ZNF326: variants seen among roughly 807,000 people sequenced by gnomAD.
ZNF326 encodes the protein zinc finger protein 326.
ZNF326 carries 30 observed loss-of-function variants against 63.1 expected under a neutral mutation model. The ratio of observed to expected loss-of-function variants is 0.48; its 90% CI spans 0.36 to 0.64. The LOEUF (loss-of-function observed/expected upper bound fraction) is 0.64, where lower values mean the gene tolerates loss of function less well. Ranked by LOEUF, ZNF326 falls within the 30% of genes least tolerant of loss-of-function variation. ZNF326 has a pLI of 0.00. For synonymous variants in ZNF326, 194 were observed against 228.2 expected, an observed-to-expected ratio of 0.85 and a Z score of 1.35; for missense variants, 609 against 720.3, an observed-to-expected ratio of 0.85 and a Z score of 1.77.
Position 90,031,100 on chromosome 1 carries a change from C to T in ZNF326, c.*3399C>T, listed in dbSNP as rs1305422361. The stretch of plus-strand genomic sequence containing the variant: ...CTTCCCCTATCAAGGCAGGAGTTTC[C>T]GCCCTTTTGAATATAAACATAGGTT... On this transcript the variant is annotated 3_prime_UTR_variant, in exon 12 of 12. Transcript: ENST00000340281. 1 of 152,156 alleles carries T rather than the reference C, an allele frequency of 6.6e-6. No homozygotes were observed. The highest frequency in any genetic ancestry group is 2.1e-4 in the South Asian group (1 of 4,832). 9.4% of individuals were successfully genotyped at this position (152,156 alleles called of 1,614,324 possible). A position where few individuals can be genotyped will look rare whatever the true frequency, so the allele number is the denominator to read the frequency against.
intron 11 of ZNF326, among the ~76,000 whole-genome samples, chr1:90,027,013 A>G (rs1650041598): frequency 6.6e-6 from 1 of 152,062 alleles, no homozygotes; most frequent in Non-Finnish European, 1.5e-5. Flanking sequence ...AAATCTTTGC[A>G]TCATCCCTTT....
At chr1:90,000,497 G>A (rs955804901) in intron 2 of ZNF326, among the ~76,000 whole-genome samples, 8 of 152,140 alleles carry the variant, frequency 5.3e-5, no homozygotes, top group Non-Finnish European at 8.8e-5. Flanking sequence ...CCAGGTGATT[G>A]AAACTAGCTT....
chr1:90,023,631 A>G (rs1003037484), intron 11 of ZNF326, among the ~76,000 whole-genome samples: 6 of 152,376 alleles, frequency 3.9e-5, no homozygotes, highest in Admixed American at 3.3e-4. Flanking sequence ...GAAGCATCAT[A>G]GCTAAAGAAG....
At position 90,030,062 on chromosome 1, in the gene ZNF326, T is replaced by A. The variant is rs1650199616; in HGVS notation, c.*2361T>A. ...ACATAGTTCTAAATAACCAAAGAAATTTATTTATAACCTACACAGTTGTTT... is the reference window on the plus strand; with the variant it reads ...ACATAGTTCTAAATAACCAAAGAAAATTATTTATAACCTACACAGTTGTTT... On this transcript the variant is annotated 3_prime_UTR_variant, in exon 12 of 12. Transcript: ENST00000340281. 6.6e-6 allele frequency: 1 copy of A among 152,188 alleles called. No homozygotes were observed. The highest frequency in any genetic ancestry group is 1.5e-5 in the Non-Finnish European group (1 of 68,018). 9.4% of individuals were successfully genotyped at this position (152,188 alleles called of 1,614,324 possible). A position where few individuals can be genotyped will look rare whatever the true frequency, so the allele number is the denominator to read the frequency against.
At chr1:89,995,305 T>C (rs1406275952) in intron 1 of ZNF326, 32 bp downstream of exon 1, 3 of 1,540,916 alleles carry the variant, frequency 1.9e-6, no homozygotes, top group Non-Finnish European at 2.6e-6. Flanking sequence ...TCGGCGCAGC[T>C]GGCAGGAGGC....
Position 90,027,945 on chromosome 1 carries a change from C to T in ZNF326, c.*244C>T. 1 of 477,828 alleles carries T rather than the reference C, an allele frequency of 2.1e-6. No homozygotes were observed. The highest frequency in any genetic ancestry group is 3.7e-6 in the Non-Finnish European group (1 of 272,988). 29.6% of individuals were successfully genotyped at this position (477,828 alleles called of 1,614,324 possible). A position where few individuals can be genotyped will look rare whatever the true frequency, so the allele number is the denominator to read the frequency against. On this transcript the variant is annotated 3_prime_UTR_variant, in exon 12 of 12. Coordinates refer to ENST00000340281, the MANE Select transcript of ZNF326 (RefSeq NM_182976.4). ...ATAAATTGTTTGTATAATTTTTAAG[C>T]TTAATTTTTATTACTTTATTGGTGT...
intron 9 of ZNF326, among the ~76,000 whole-genome samples, chr1:90,018,992 T>A (rs1649631345): frequency 6.6e-6 from 1 of 152,142 alleles, no homozygotes; most frequent in Non-Finnish European, 1.5e-5. Flanking sequence ...TTCACTTCAG[T>A]TTGAGAGGAA....
At chr1:90,026,105 A>C (rs559351196) in intron 11 of ZNF326, among the ~76,000 whole-genome samples, 2 of 152,004 alleles carry the variant, frequency 1.3e-5, no homozygotes, top group African/African-American at 4.8e-5. Flanking sequence ...CTGGGACTAC[A>C]GGTGCCTGCT....
At chr1:90,017,585 A>G (rs1649564477) in intron 8 of ZNF326, 121 bp downstream of exon 8, 2 of 903,112 alleles carry the variant, frequency 2.2e-6, no homozygotes, top group Non-Finnish European at 3.2e-6. Flanking sequence ...TATTTAAAGA[A>G]AGAGTTGTTT....
At chr1:90,026,833 TTAAAA>T (rs1450400538) in intron 11 of ZNF326, among the ~76,000 whole-genome samples, 4 of 152,230 alleles carry the variant, frequency 2.6e-5, no homozygotes, top group African/African-American at 7.2e-5. Context: ...AATTGAAGTA[TTAAAA>T]TAAAATATTA....
At chr1:90,012,633 A>G (rs539043171) in intron 6 of ZNF326, among the ~76,000 whole-genome samples, 11 of 152,324 alleles carry the variant, frequency 7.2e-5, no homozygotes, top group African/African-American at 2.6e-4. Context: ...TAAAAAAGAG[A>G]ACAAATTTGC....
chr1:90,022,163 G>T (rs1450345129), intron 10 of ZNF326, 87 bp from the exon 11 acceptor site: 1 of 939,422 alleles, frequency 1.1e-6, no homozygotes, highest in Non-Finnish European at 1.7e-6. Context: ...AAATCTAAGG[G>T]TTTGAGCATG....
At position 90,010,203 on chromosome 1, in the gene ZNF326, C is replaced by A. The variant is rs114754820; in HGVS notation, c.731C>A (p.Pro244Gln). 8.5e-4 allele frequency: 1,375 copies of A among 1,613,848 alleles called. 11 individuals carry two copies. The African/African-American group carries it at 0.016, about 19-fold the overall frequency. ...ARGIKRKMMQ[P>Q]FNKPSGTFIK... ...GGAATAAAGAGAAAAATGATGCAGC[C>A]ATTTAATAAGCCCAGTGGAACCTTT... Residue 244 changes from proline (P) to glutamine (Q), a missense_variant, in exon 6 of 12, where the codon CCA becomes CAA. By Grantham distance (76) the Pro-to-Gln change is moderately conservative. Around this residue, in one of 3 missense-constraint regions of ZNF326, gnomAD observed 399 missense variants for 444.3 expected, o/e 0.90. Transcript: ENST00000340281.
chr1:90,004,961 A>G, intron 2 of ZNF326, 42 bp from the exon 3 acceptor site: 2 of 1,554,482 alleles, frequency 1.3e-6, no homozygotes, highest in Non-Finnish European at 8.9e-7. Context: ...CCTGAAGAGA[A>G]TGGTGTATTT....
At chr1:90,018,939 T>C (rs893189980) in intron 9 of ZNF326, among the ~76,000 whole-genome samples, 155 bp downstream of exon 9, 6 of 152,166 alleles carry the variant, frequency 3.9e-5, no homozygotes, top group African/African-American at 1.4e-4. Context: ...TTTGTCTTCC[T>C]GTTCTAATGC....
chr1:89,996,040 G>A (rs1279642359), intron 1 of ZNF326, among the ~76,000 whole-genome samples: 4 of 152,160 alleles, frequency 2.6e-5, no homozygotes. Context: ...TTTGACTTAC[G>A]GATTAAATAA....
Position 90,028,004 on chromosome 1 carries a change from A to C in ZNF326, c.*303A>C, listed in dbSNP as rs530744804. On this transcript the variant is annotated 3_prime_UTR_variant, in exon 12 of 12. Coordinates refer to ENST00000340281, the MANE Select transcript of ZNF326 (RefSeq NM_182976.4). ...ACAAATGTGTATTGTTAGTATATCT[A>C]TTCTAATCATTTTATCTTAAATGCT... 1.0e-5 allele frequency: 3 copies of C among 292,228 alleles called. No homozygotes were observed. Among genetic ancestry groups the C allele is most frequent in the African/African-American group, 6.7e-5 (3 of 44,594 alleles). 18.1% of individuals were successfully genotyped at this position (292,228 alleles called of 1,614,324 possible). A position where few individuals can be genotyped will look rare whatever the true frequency, so the allele number is the denominator to read the frequency against.
rs567144989 is a variant in ZNF326 at position 90,031,247 on chromosome 1, G to T, written c.*3546G>T. ...TACAACTATATTGGTAAGTTAGTAG[G>T]AGTAGTAATTTTCCCATATAATAAG... On this transcript the variant is annotated 3_prime_UTR_variant, in exon 12 of 12. Coordinates refer to ENST00000340281, the MANE Select transcript of ZNF326 (RefSeq NM_182976.4). 1 of 152,162 alleles carries T rather than the reference G, an allele frequency of 6.6e-6. No homozygotes were observed. The highest frequency in any genetic ancestry group is 2.1e-4 in the South Asian group (1 of 4,826). The allele number at this position is 152,162 out of a possible 1,614,324, so 9.4% of individuals were successfully genotyped here.
chr1:89,995,713 C>G (rs1446176817), intron 1 of ZNF326, among the ~76,000 whole-genome samples: 7 of 152,242 alleles, frequency 4.6e-5, no homozygotes, highest in Non-Finnish European at 8.8e-5. Flanking sequence ...TACTTCTTGC[C>G]AGATAGAATT....
Sources: allele counts gnomAD v4.1 joint callset (sites outside exome capture counted in the v4.1 genomes callset), GRCh38; gene constraint gnomAD v4.1.1; regional missense constraint gnomAD v4.1.1; transcripts MANE v1.5; gene names NCBI Gene and HGNC (gene_info 2026-07-23, HGNC 2026-07-21).